The following FAM13C variants were observed in gnomAD, a reference collection of about 807,000 sequenced individuals.
The protein encoded by FAM13C is protein FAM13C.
A neutral mutation model predicts 73.2 loss-of-function variants in FAM13C; 37 were observed. The ratio of observed to expected loss-of-function variants is 0.51; its 90% CI spans 0.39 to 0.67. The LOEUF is 0.67. Ranked by LOEUF, FAM13C falls within the 30% of genes least tolerant of loss-of-function variation. FAM13C has a pLI of 0.00. For synonymous variants in FAM13C, 246 were observed against 260.9 expected, an observed-to-expected ratio of 0.94 and a Z score of 0.55; for missense variants, 589 against 715.6, an observed-to-expected ratio of 0.82 and a Z score of 2.02.
At position 59,265,331 on chromosome 10, in the gene FAM13C, G is replaced by GTGC. The variant is rs1397682752; in HGVS notation, c.943-1166_943-1165insGCA. Among the ~76,000 whole-genome samples the GTGC allele has an allele frequency of 1.4e-4, 7 of 51,438 alleles. 1 individual carries two copies. The highest frequency in any genetic ancestry group is 5.5e-4 in the African/African-American group (7 of 12,716). The allele number at this position is 51,438 out of a possible 152,430, so 33.7% of individuals were successfully genotyped here. On this transcript the variant is annotated intron_variant, in intron 8 of 13. Coordinates refer to ENST00000618804, the MANE Select transcript of FAM13C (RefSeq NM_198215.4). Reference sequence around the variant, plus strand: ...AGGGAAGGGGTTTTGGCGGGGGGGGGGGGGAATCCTGGTTTCAGGACCATG... The same window carrying GTGC: ...AGGGAAGGGGTTTTGGCGGGGGGGGGTGCGGGGAATCCTGGTTTCAGGACCATG...
At chr10:59,326,454 T>A (rs973840037) in intron 3 of FAM13C, among the ~76,000 whole-genome samples, 1 of 152,142 alleles carries the variant, frequency 6.6e-6, no homozygotes. Flanking sequence ...GTGATAGGTA[T>A]GTGTGATTGT....
rs879285212 is a variant in FAM13C at position 59,311,355 on chromosome 10, A to C, written c.444-8491T>G. 6.8e-4 allele frequency among the ~76,000 whole-genome samples: 103 copies of C among 152,362 alleles called. 3 individuals are homozygous for C. The highest frequency in any genetic ancestry group is 1.9e-4 in the Non-Finnish European group (13 of 68,034). On this transcript the variant is annotated intron_variant, in intron 4 of 13. Coordinates refer to ENST00000618804, the MANE Select transcript of FAM13C (RefSeq NM_198215.4). ...GAATATTGAGGACACAGGATCCAGC[A>C]GGTGAATGAGTGAGAGCAGAGGCCC...
chr10:59,254,385 T>G lies in FAM13C; in HGVS notation c.1295A>C (p.Lys432Thr). The G allele has an allele frequency of 6.4e-7, 1 of 1,558,722 alleles. No homozygotes were observed. The highest frequency in any genetic ancestry group is 8.7e-7 in the Non-Finnish European group (1 of 1,150,488). ...AAGGGAAGGTGTTGACAAGATTTGC[T>G]TGATAATTCTGTATCGGTCATAAAG... Reference protein sequence around the residue: ...KPLYDRYRIIKQILSTPSLIP... With the variant: ...KPLYDRYRIITQILSTPSLIP... The change falls in exon 11 of 14, where the codon AAG (lysine) becomes ACG (threonine). Residue 432 changes from lysine to threonine, a missense_variant. Lys to Thr is a moderately conservative substitution (Grantham distance 78). Coordinates refer to ENST00000618804, the MANE Select transcript of FAM13C (RefSeq NM_198215.4).
chr10:59,306,008 G>C (rs1240374493), intron 4 of FAM13C, among the ~76,000 whole-genome samples: 1 of 152,234 alleles, frequency 6.6e-6, no homozygotes, highest in East Asian at 1.9e-4. Flanking sequence ...ACTTTGAATG[G>C]CTCATAGTTT....
chr10:59,293,579 CACTT>C (rs1846538673), intron 5 of FAM13C, among the ~76,000 whole-genome samples: 2 of 152,124 alleles, frequency 1.3e-5, no homozygotes, highest in African/African-American at 4.8e-5. Context: ...TGTTGATAGA[CACTT>C]AGGTTGTCAA....
intron 10 of FAM13C, 51 bp downstream of exon 10, chr10:59,262,383 G>T: frequency 6.7e-7 from 1 of 1,501,166 alleles, no homozygotes; most frequent in Non-Finnish European, 9.3e-7. Context: ...GATCTCATTA[G>T]CACTGTGTGG....
At chr10:59,247,776 C>A in intron 13 of FAM13C, 39 bp from the exon 14 acceptor site, 1 of 1,575,710 alleles carries the variant, frequency 6.3e-7, no homozygotes, top group South Asian at 1.2e-5. Context: ...CACAATGAAT[C>A]AAGTCATTAT....
At chr10:59,270,797 G>A (rs1490432656) in intron 6 of FAM13C, among the ~76,000 whole-genome samples, 2 of 152,092 alleles carry the variant, frequency 1.3e-5, no homozygotes, top group East Asian at 1.9e-4. Context: ...GTAGAATCAG[G>A]AATTATTCTA....
intron 6 of FAM13C, among the ~76,000 whole-genome samples, chr10:59,271,222 T>G (rs1843684772): frequency 6.6e-6 from 1 of 152,240 alleles, no homozygotes; most frequent in Non-Finnish European, 1.5e-5. Flanking sequence ...TCTGGATGAA[T>G]AAGCAGAATC....
At chr10:59,322,749 G>C (rs1161535915) in intron 4 of FAM13C, among the ~76,000 whole-genome samples, 1 of 152,142 alleles carries the variant, frequency 6.6e-6, no homozygotes, top group Non-Finnish European at 1.5e-5. Flanking sequence ...CTTTCTGAGA[G>C]AGACAGTCAT....
intron 4 of FAM13C, among the ~76,000 whole-genome samples, chr10:59,304,319 T>C (rs926760457): frequency 6.6e-6 from 1 of 152,220 alleles, no homozygotes; most frequent in Non-Finnish European, 1.5e-5. Flanking sequence ...CTGTTTACTC[T>C]GTCAATAAGT....
intron 3 of FAM13C, among the ~76,000 whole-genome samples, chr10:59,349,466 A>C (rs1468120682): frequency 6.6e-6 from 1 of 152,218 alleles, no homozygotes; most frequent in Admixed American, 6.5e-5. Context: ...AGGAACAAGA[A>C]TTAATTACAC....
chr10:59,342,167 G>A (rs2134184234), intron 3 of FAM13C, among the ~76,000 whole-genome samples: 1 of 152,202 alleles, frequency 6.6e-6, no homozygotes, highest in African/African-American at 2.4e-5. Context: ...CAGACTTTGA[G>A]GGCAGATTTT....
At chr10:59,282,854 A>T (rs532620952) in intron 6 of FAM13C, 2 of 152,706 alleles carry the variant, frequency 1.3e-5, no homozygotes, top group Non-Finnish European at 2.9e-5. Flanking sequence ...TGGAAACCAA[A>T]CAAGACAATA....
chr10:59,338,641 T>C (rs1460523276), intron 3 of FAM13C, among the ~76,000 whole-genome samples: 1 of 152,188 alleles, frequency 6.6e-6, no homozygotes, highest in African/African-American at 2.4e-5. Context: ...CTACTAAATC[T>C]AAATGACTAG....
chr10:59,272,577 C>G (rs1370139587), intron 6 of FAM13C, among the ~76,000 whole-genome samples: 1 of 152,160 alleles, frequency 6.6e-6, no homozygotes, highest in Non-Finnish European at 1.5e-5. Flanking sequence ...GGGCACATTA[C>G]TTTCTATCCC....
At position 59,268,484 on chromosome 10, in the gene FAM13C, G is replaced by T. The variant is rs1263402390; in HGVS notation, c.942+69C>A. The T allele has an allele frequency of 2.5e-6, 4 of 1,583,348 alleles. No homozygotes were observed. In the African/African-American group the frequency reaches 5.4e-5, roughly 21 times the overall value. On this transcript the variant is annotated intron_variant, in intron 8 of 13. Coordinates refer to ENST00000618804, the MANE Select transcript of FAM13C (RefSeq NM_198215.4). Reference sequence around the variant, plus strand: ...CAAAGAAGGGCACCCAGAAAGGAAGGACAGAGGCTGAGGAGAATCCAGACA... The same window carrying T: ...CAAAGAAGGGCACCCAGAAAGGAAGTACAGAGGCTGAGGAGAATCCAGACA...
intron 4 of FAM13C, among the ~76,000 whole-genome samples, chr10:59,306,693 C>G (rs1256442346): frequency 6.6e-6 from 1 of 152,130 alleles, no homozygotes; most frequent in Non-Finnish European, 1.5e-5. Context: ...CTGGGCAACA[C>G]AGTGAAACCC....
rs114216673 is a variant in FAM13C at position 59,270,471 on chromosome 10, C to A, written c.593-362G>T. The A allele has an allele frequency of 2.3e-3, 412 of 175,856 alleles. 2 individuals are homozygous for A. The highest frequency in any genetic ancestry group is 9.1e-3 in the African/African-American group (380 of 41,736). 10.9% of individuals were successfully genotyped at this position (175,856 alleles called of 1,614,324 possible). A position where few individuals can be genotyped will look rare whatever the true frequency, so the allele number is the denominator to read the frequency against. ...AGAAAACAATAAAATGGAGCTGGAGCAAAAGACTATAGATTATCAGGAAGA... is the reference window on the plus strand; with the variant it reads ...AGAAAACAATAAAATGGAGCTGGAGAAAAAGACTATAGATTATCAGGAAGA... On this transcript the variant is annotated intron_variant, in intron 6 of 13. Coordinates refer to ENST00000618804, the MANE Select transcript of FAM13C (RefSeq NM_198215.4).
Sources: allele counts gnomAD v4.1 joint callset (sites outside exome capture counted in the v4.1 genomes callset), GRCh38; gene constraint gnomAD v4.1.1; transcripts MANE v1.5; gene names NCBI Gene and HGNC (gene_info 2026-07-23, HGNC 2026-07-21).